ZNF385D: variants seen among roughly 807,000 people sequenced by gnomAD.
ZNF385D encodes the protein zinc finger protein 385D, also known as zinc finger protein 659.
ZNF385D carries 15 observed loss-of-function variants against 35.8 expected under a neutral mutation model. The ratio of observed to expected loss-of-function variants is 0.42; its 90% CI spans 0.28 to 0.64. The LOEUF (loss-of-function observed/expected upper bound fraction) is 0.64, where lower values mean the gene tolerates loss of function less well. Ranked by LOEUF, ZNF385D falls within the 30% of genes least tolerant of loss-of-function variation. The pLI, the probability that ZNF385D is intolerant of heterozygous loss-of-function variation, is 0.23. For missense variants in ZNF385D, 474 were observed against 494.6 expected (o/e 0.96, Z 0.39); for synonymous variants, 212 against 186.8 (o/e 1.13, Z -1.10).
chr3:22,330,785 C>T (rs1694896382), intron 2 of ZNF385D, among the ~76,000 whole-genome samples: 1 of 152,180 alleles, frequency 6.6e-6, no homozygotes, highest in South Asian at 2.1e-4. Flanking sequence ...ATGGAGAACT[C>T]TATCAAAGGC....
chr3:22,231,154 A>C (rs1451637705), intron 2 of ZNF385D, among the ~76,000 whole-genome samples: 3 of 152,142 alleles, frequency 2.0e-5, no homozygotes, highest in African/African-American at 7.2e-5. Context: ...ATAAAGAAAG[A>C]AATAGCCAAA....
At chr3:22,354,440 GAC>G (rs1427732358) in intron 2 of ZNF385D, among the ~76,000 whole-genome samples, 1 of 151,734 alleles carries the variant, frequency 6.6e-6, no homozygotes, top group Non-Finnish European at 1.5e-5. Flanking sequence ...CAATCCAAGA[GAC>G]ACAGTCAAAT....
chr3:21,718,404 T>G (rs1327723288), intron 1 of ZNF385D, among the ~76,000 whole-genome samples: 2 of 152,214 alleles, frequency 1.3e-5, no homozygotes, highest in Non-Finnish European at 2.9e-5. Context: ...ACCACTGGTG[T>G]CTACATTAGT....
At chr3:22,262,035 G>A (rs368967147) in intron 2 of ZNF385D, among the ~76,000 whole-genome samples, 2 of 151,882 alleles carry the variant, frequency 1.3e-5, no homozygotes, top group South Asian at 4.1e-4. Context: ...TAAACTTGCA[G>A]CATATTATCA....
chr3:22,116,197 T>C (rs899037437), intron 3 of ZNF385D, among the ~76,000 whole-genome samples: 1 of 152,038 alleles, frequency 6.6e-6, no homozygotes, highest in African/African-American at 2.4e-5. Flanking sequence ...AAAAAAGCTC[T>C]CAAGTTATAA....
chr3:22,045,395 T>G (rs576342398), intron 3 of ZNF385D, among the ~76,000 whole-genome samples: 1 of 152,226 alleles, frequency 6.6e-6, no homozygotes, highest in South Asian at 2.1e-4. Context: ...GAAATACGAA[T>G]GGGAGATGAT....
intron 3 of ZNF385D, among the ~76,000 whole-genome samples, chr3:22,098,654 G>A (rs1480662406): frequency 6.6e-6 from 1 of 151,998 alleles, no homozygotes; most frequent in Non-Finnish European, 1.5e-5. Context: ...AGGCATGGGT[G>A]CAAATGACAT....
chr3:21,715,471 T>C (rs1298952899), intron 1 of ZNF385D, among the ~76,000 whole-genome samples: 1 of 152,224 alleles, frequency 6.6e-6, no homozygotes, highest in African/African-American at 2.4e-5. Context: ...TGTATAGGTA[T>C]ACCACATTTT....
intron 3 of ZNF385D, among the ~76,000 whole-genome samples, chr3:21,999,691 G>T (rs756928598): frequency 3.3e-5 from 5 of 150,738 alleles, no homozygotes; most frequent in African/African-American, 1.2e-4. Context: ...CAGTCCAACA[G>T]ATAGCTTCAA....
At chr3:22,216,682 G>C (rs1360148982) in intron 2 of ZNF385D, among the ~76,000 whole-genome samples, 2 of 152,152 alleles carry the variant, frequency 1.3e-5, no homozygotes. Flanking sequence ...ATGTCATGTA[G>C]TAAAGTCTGC....
At chr3:21,517,867 A>C (rs1575092059) in intron 3 of ZNF385D, among the ~76,000 whole-genome samples, 1 of 152,180 alleles carries the variant, frequency 6.6e-6, no homozygotes, top group Admixed American at 6.5e-5. Flanking sequence ...TTTAACATTC[A>C]TATAAAGCAT....
At chr3:21,966,380 C>A (rs553059205) in intron 3 of ZNF385D, among the ~76,000 whole-genome samples, 7 of 152,296 alleles carry the variant, frequency 4.6e-5, no homozygotes, top group African/African-American at 1.7e-4. Flanking sequence ...TCCTACCATA[C>A]CTGAAAGAGA....
intron 4 of ZNF385D, among the ~76,000 whole-genome samples, chr3:21,488,504 T>G (rs1169969929): frequency 6.6e-6 from 1 of 152,156 alleles, no homozygotes; most frequent in Non-Finnish European, 1.5e-5. Flanking sequence ...GAAGCTAATA[T>G]TAATTTAGCT....
At chr3:21,438,184 T>C (rs1446631258) in intron 4 of ZNF385D, among the ~76,000 whole-genome samples, 1 of 151,648 alleles carries the variant, frequency 6.6e-6, no homozygotes, top group African/African-American at 2.4e-5. Context: ...CAATAACAAA[T>C]TGCAAATAAG....
chr3:21,716,967 C>T (rs1461911299), intron 1 of ZNF385D, among the ~76,000 whole-genome samples: 2 of 151,970 alleles, frequency 1.3e-5, no homozygotes, highest in Non-Finnish European at 2.9e-5. Flanking sequence ...ACTAAAAATA[C>T]AAAAATTAGC....
intron 1 of ZNF385D, among the ~76,000 whole-genome samples, chr3:21,720,308 C>T (rs546580168): frequency 6.6e-6 from 1 of 152,300 alleles, no homozygotes; most frequent in South Asian, 2.1e-4. Context: ...AATCCCAGTA[C>T]TTTGGGAGGC....
At chr3:22,038,885 A>G (rs147175571) in intron 3 of ZNF385D, among the ~76,000 whole-genome samples, 1,790 of 149,940 alleles carry the variant, frequency 0.012, 42 homozygotes, top group African/African-American at 0.041. Flanking sequence ...GTTATATTTT[A>G]TTTTTATTAT....
intron 1 of ZNF385D, among the ~76,000 whole-genome samples, chr3:21,706,325 C>T (rs1026716328): frequency 6.6e-6 from 1 of 151,974 alleles, no homozygotes; most frequent in Non-Finnish European, 1.5e-5. Flanking sequence ...CAAATCATCC[C>T]TTTAAAGACA....
intron 4 of ZNF385D, among the ~76,000 whole-genome samples, chr3:21,478,509 G>T (rs1164060900): frequency 6.6e-6 from 1 of 152,114 alleles, no homozygotes; most frequent in East Asian, 1.9e-4. Context: ...CAGAAATGAA[G>T]TCATATTGAG....
Sources: allele counts gnomAD v4.1 joint callset (sites outside exome capture counted in the v4.1 genomes callset), GRCh38; gene constraint gnomAD v4.1.1; transcripts MANE v1.5; gene names NCBI Gene and HGNC (gene_info 2026-07-23, HGNC 2026-07-21).